The following NRXN1 variants were observed in gnomAD, a reference collection of about 807,000 sequenced individuals.
NRXN1 encodes the protein neurexin 1.
NRXN1 carries 39 observed loss-of-function variants against 150.9 expected under a neutral mutation model. That is an observed-to-expected ratio of 0.26 (90% CI 0.20 to 0.34). The LOEUF (loss-of-function observed/expected upper bound fraction) is 0.34. NRXN1 is among the 10% of genes least tolerant of loss of function. The pLI, the probability that NRXN1 is intolerant of heterozygous loss-of-function variation, is 1.00. For missense variants in NRXN1, 1,815 were observed against 1,949.9 expected (o/e 0.93, Z 1.30); for synonymous variants, 924 against 757.0 (o/e 1.22, Z -3.62).
intron 2 of NRXN1, among the ~76,000 whole-genome samples, chr2:50,953,467 C>T (rs545037187): frequency 1.3e-5 from 2 of 151,944 alleles, no homozygotes; most frequent in African/African-American, 2.4e-5. Flanking sequence ...ACACATCATA[C>T]ATCATGTGAA....
chr2:50,644,899 G>C (rs942196815), intron 5 of NRXN1, among the ~76,000 whole-genome samples: 3 of 145,850 alleles, frequency 2.1e-5, no homozygotes, highest in African/African-American at 5.5e-5. Context: ...TTTTTCAAAT[G>C]CACAGCTCTT....
chr2:50,199,575 C>G (rs893911866), intron 18 of NRXN1, among the ~76,000 whole-genome samples: 4 of 151,702 alleles, frequency 2.6e-5, no homozygotes, highest in Admixed American at 2.0e-4. Flanking sequence ...CACATGCACA[C>G]TGACATTAAT....
intron 21 of NRXN1, among the ~76,000 whole-genome samples, chr2:49,997,220 G>A (rs2152528254): frequency 6.6e-6 from 1 of 152,088 alleles, no homozygotes; most frequent in Non-Finnish European, 1.5e-5. Flanking sequence ...CATATCTCTT[G>A]GAAGCAATTA....
At chr2:50,092,906 T>A (rs1017578503) in intron 18 of NRXN1, among the ~76,000 whole-genome samples, 1 of 152,120 alleles carries the variant, frequency 6.6e-6, no homozygotes, top group African/African-American at 2.4e-5. Context: ...ATGGTTTAAC[T>A]TTTTTAAAAA....
Position 50,558,704 on chromosome 2 carries a change from C to T in NRXN1, c.1321-5679G>A, listed in dbSNP as rs547835684. ...TAAAAATTATTTAAAGGGACTGTTGCTTTAATGCTGATTTTTGTTTGTTTA... is the reference window on the plus strand; with the variant it reads ...TAAAAATTATTTAAAGGGACTGTTGTTTTAATGCTGATTTTTGTTTGTTTA... On this transcript the variant is annotated intron_variant, in intron 8 of 22. Transcript: ENST00000401669. 6.6e-5 allele frequency among the ~76,000 whole-genome samples: 10 copies of T among 152,298 alleles called. No homozygotes were observed. In the East Asian group the frequency reaches 1.9e-3, roughly 29 times the overall value.
intron 17 of NRXN1, among the ~76,000 whole-genome samples, chr2:50,407,566 T>C (rs935797986): frequency 1.3e-5 from 2 of 152,060 alleles, no homozygotes; most frequent in African/African-American, 4.8e-5. Context: ...TAAGAGGTGA[T>C]TGGGTCATGA....
intron 18 of NRXN1, among the ~76,000 whole-genome samples, chr2:50,114,825 CA>C (rs1193266799): frequency 6.6e-6 from 1 of 151,712 alleles, no homozygotes; most frequent in East Asian, 1.9e-4. Flanking sequence ...ACTATAGAGA[CA>C]TAAAAGAACA....
At chr2:50,091,294 C>T (rs981578725) in intron 19 of NRXN1, 29 bp downstream of exon 19, 1 of 1,613,290 alleles carries the variant, frequency 6.2e-7, no homozygotes, top group Non-Finnish European at 8.5e-7. Context: ...TTCATAAAAT[C>T]TTCCCCCGAT....
At chr2:50,689,805 T>G (rs973643449) in intron 5 of NRXN1, among the ~76,000 whole-genome samples, 46 of 152,150 alleles carry the variant, frequency 3.0e-4, no homozygotes, top group African/African-American at 1.0e-3. Context: ...AACTTCCAAC[T>G]TTATAAGCCC....
At chr2:50,035,591 G>T (rs1305332025) in intron 21 of NRXN1, among the ~76,000 whole-genome samples, 2 of 152,084 alleles carry the variant, frequency 1.3e-5, no homozygotes, top group Non-Finnish European at 2.9e-5. Flanking sequence ...TATTGGCTAT[G>T]ATTTGAATAA....
intron 5 of NRXN1, among the ~76,000 whole-genome samples, chr2:50,835,813 G>T (rs1396454462): frequency 6.6e-6 from 1 of 152,196 alleles, no homozygotes; most frequent in Non-Finnish European, 1.5e-5. Flanking sequence ...AATCTGATGA[G>T]ACTGATAGTT....
At chr2:50,253,168 T>G (rs955547219) in intron 17 of NRXN1, among the ~76,000 whole-genome samples, 1 of 152,086 alleles carries the variant, frequency 6.6e-6, no homozygotes, top group Non-Finnish European at 1.5e-5. Context: ...ATTGTTTTTG[T>G]AGTAATTGTG....
intron 5 of NRXN1, among the ~76,000 whole-genome samples, chr2:50,692,689 G>A (rs558599161): frequency 6.6e-6 from 1 of 152,042 alleles, no homozygotes; most frequent in Admixed American, 6.5e-5. Context: ...AATTGGGGAG[G>A]GCTTTTTTTT....
intron 17 of NRXN1, among the ~76,000 whole-genome samples, chr2:50,363,137 C>G (rs530672055): frequency 6.6e-6 from 1 of 152,176 alleles, no homozygotes; most frequent in East Asian, 1.9e-4. Context: ...CCATAAAAAC[C>G]TTAGAAGAAA....
intron 2 of NRXN1, among the ~76,000 whole-genome samples, chr2:50,954,394 T>C (rs954918878): frequency 1.2e-4 from 19 of 152,196 alleles, no homozygotes; most frequent in Non-Finnish European, 2.1e-4. Context: ...ATTCAGTTCA[T>C]TGCAGAGCTT....
intron 18 of NRXN1, among the ~76,000 whole-genome samples, chr2:50,107,480 C>G (rs1701813801): frequency 6.8e-6 from 1 of 147,460 alleles, no homozygotes. Flanking sequence ...TAGGTTTACT[C>G]TCCCATCACA....
At chr2:50,270,955 G>A (rs368722640) in intron 17 of NRXN1, among the ~76,000 whole-genome samples, 1 of 152,062 alleles carries the variant, frequency 6.6e-6, no homozygotes, top group African/African-American at 2.4e-5. Flanking sequence ...CACTATGCCC[G>A]GCCATATACA....
At chr2:51,020,135 T>A (rs1400530017) in intron 2 of NRXN1, among the ~76,000 whole-genome samples, 1 of 151,814 alleles carries the variant, frequency 6.6e-6, no homozygotes, top group Non-Finnish European at 1.5e-5. Flanking sequence ...AGTGAATCTT[T>A]ACAAATGTAA....
chr2:50,226,752 C>T (rs1024325002), intron 18 of NRXN1, among the ~76,000 whole-genome samples: 2 of 151,968 alleles, frequency 1.3e-5, no homozygotes, highest in African/African-American at 4.8e-5. Context: ...AACACATAAA[C>T]TGGAAACATG....
Sources: gnomAD v4.1 joint callset for allele counts (sites outside exome capture counted in the v4.1 genomes callset) on GRCh38, gnomAD v4.1.1 for gene constraint, MANE v1.5 for transcripts, NCBI Gene and HGNC (gene_info 2026-07-23, HGNC 2026-07-21) for gene names.